Variants in LARGE1 observed in about 807,000 individuals in gnomAD.
LARGE1 encodes xylosyl- and glucuronyltransferase LARGE1.
Under a neutral mutation model 87.6 loss-of-function variants are expected in LARGE1, and 43 were observed. The observed-to-expected ratio is 0.49, with a 90% CI of 0.38 to 0.63. The LOEUF is 0.63. Ranked by LOEUF, LARGE1 falls within the 30% of genes least tolerant of loss-of-function variation. LARGE1 has a pLI of 0.00. For synonymous variants in LARGE1, 434 were observed against 394.6 expected, an observed-to-expected ratio of 1.10 and a Z score of -1.18; for missense variants, 802 against 1,000.2, an observed-to-expected ratio of 0.80 and a Z score of 2.67.
At chr22:33,890,420 A>T (rs550548499) in intron 1 of LARGE1, among the ~76,000 whole-genome samples, 1 of 152,260 alleles carries the variant, frequency 6.6e-6, no homozygotes, top group South Asian at 2.1e-4. Context: ...TATTTTTTTC[A>T]AATTAACCCG....
At chr22:33,252,676 T>C (rs754713547) in intron 11 of LARGE1, among the ~76,000 whole-genome samples, 2 of 151,934 alleles carry the variant, frequency 1.3e-5, no homozygotes, top group African/African-American at 2.4e-5. Flanking sequence ...GTGCCTTCCT[T>C]TGTTTGTTGG....
intron 11 of LARGE1, among the ~76,000 whole-genome samples, chr22:33,314,173 CTT>C (rs561672914): frequency 1.4e-3 from 215 of 152,296 alleles, no homozygotes; most frequent in African/African-American, 5.0e-3. Context: ...AGCCTCCATG[CTT>C]GTCCCTTGCT....
chr22:33,470,056 A>ATTT (rs2068768608), intron 6 of LARGE1, among the ~76,000 whole-genome samples: 1 of 150,872 alleles, frequency 6.6e-6, no homozygotes, highest in Non-Finnish European at 1.5e-5. Context: ...CGCCCGGCTA[A>ATTT]TTTTTTGTAT....
chr22:33,293,753 G>A (rs1475982210), intron 12 of LARGE1, among the ~76,000 whole-genome samples: 3 of 152,180 alleles, frequency 2.0e-5, no homozygotes, highest in Non-Finnish European at 4.4e-5. Context: ...AGTATTATGA[G>A]ATTGGGAACA....
the LARGE1 span, among the ~76,000 whole-genome samples, chr22:33,096,186 C>A: frequency 6.6e-5 from 10 of 152,022 alleles, no homozygotes; most frequent in Admixed American, 5.9e-4. Flanking sequence ...GAGGCCGAGG[C>A]GGGTGGATCA....
chr22:33,735,737 G>A (rs917884533), intron 2 of LARGE1, among the ~76,000 whole-genome samples: 4 of 152,094 alleles, frequency 2.6e-5, no homozygotes, highest in Non-Finnish European at 4.4e-5. Context: ...AGCCATCACC[G>A]CTATCTAATT....
chr22:33,382,695 G>A (rs1406849728), intron 8 of LARGE1, among the ~76,000 whole-genome samples: 3 of 152,116 alleles, frequency 2.0e-5, no homozygotes, highest in Admixed American at 6.5e-5. Flanking sequence ...AGGTGGCGCC[G>A]GGAGGTGAAT....
intron 6 of LARGE1, among the ~76,000 whole-genome samples, chr22:33,499,944 T>C (rs2070348876): frequency 6.6e-6 from 1 of 152,112 alleles, no homozygotes; most frequent in Non-Finnish European, 1.5e-5. Context: ...TGGCTACATT[T>C]TGTATTTTTA....
In LARGE1 at chr22:33,896,053, A is replaced by G. The variant is rs528742237; in HGVS notation, c.-83+23942T>C. 9.2e-5 allele frequency among the ~76,000 whole-genome samples: 14 copies of G among 152,274 alleles called. No individual in the cohort carries two copies. The South Asian group carries it at 2.9e-3, about 32-fold the overall frequency. ...CCTCCAGCACTGTTTCATCTTCCCAAACTGAAACTGTCTCCCCCTTAAAAG... is the reference window on the plus strand; with the variant it reads ...CCTCCAGCACTGTTTCATCTTCCCAGACTGAAACTGTCTCCCCCTTAAAAG... On this transcript the variant is annotated intron_variant, in intron 1 of 14. Transcript: ENST00000397394.
chr22:33,081,273 T>C, the LARGE1 span, among the ~76,000 whole-genome samples: 1 of 152,238 alleles, frequency 6.6e-6, no homozygotes, highest in African/African-American at 2.4e-5. Flanking sequence ...ACCCAGTCTA[T>C]GCAGCAATCT....
intron 2 of LARGE1, among the ~76,000 whole-genome samples, chr22:33,756,829 C>G (rs907376012): frequency 6.6e-6 from 1 of 151,996 alleles, no homozygotes; most frequent in Non-Finnish European, 1.5e-5. Context: ...AGAGCCAGGG[C>G]GACAGCAGTG....
intron 6 of LARGE1, among the ~76,000 whole-genome samples, chr22:33,493,507 T>A (rs547870699): frequency 1.4e-4 from 22 of 151,882 alleles, no homozygotes; most frequent in Non-Finnish European, 2.9e-4. Flanking sequence ...TTTGTGGAGG[T>A]GATAAAATGG....
At chr22:33,101,495 C>T in the LARGE1 span, among the ~76,000 whole-genome samples, 1 of 152,164 alleles carries the variant, frequency 6.6e-6, no homozygotes, top group African/African-American at 2.4e-5. Context: ...TGTATCTCCT[C>T]TGTGCTAGGA....
chr22:33,323,663 G>A (rs973672739), intron 10 of LARGE1, among the ~76,000 whole-genome samples: 4 of 152,146 alleles, frequency 2.6e-5, no homozygotes, highest in Non-Finnish European at 5.9e-5. Context: ...AAAAAGAAGG[G>A]AACACATTAT....
At chr22:33,576,897 A>C (rs1382460984) in intron 5 of LARGE1, among the ~76,000 whole-genome samples, 1 of 152,200 alleles carries the variant, frequency 6.6e-6, no homozygotes, top group Non-Finnish European at 1.5e-5. Flanking sequence ...ATAAATATCC[A>C]TAAATGTTCA....
At position 33,799,886 on chromosome 22, in the gene LARGE1, G is replaced by C. The variant is rs142540680; in HGVS notation, c.-82-38328C>G. ...TCTCCATAGATAAGGTCATAGAAGA[G>C]CTAGGATCTGAAGTAGGAACTAGAA... On this transcript the variant is annotated intron_variant, in intron 1 of 14. Transcript: ENST00000397394. 2.3e-3 allele frequency among the ~76,000 whole-genome samples: 357 copies of C among 152,282 alleles called. 4 individuals are homozygous for C. The highest frequency in any genetic ancestry group is 8.1e-3 in the African/African-American group (335 of 41,562).
At chr22:33,085,275 C>G in the LARGE1 span, among the ~76,000 whole-genome samples, 14 of 152,158 alleles carry the variant, frequency 9.2e-5, no homozygotes, top group East Asian at 2.5e-3. Context: ...GACTCCGTCT[C>G]AAAGAAAAAT....
At chr22:33,512,515 A>T (rs1360688359) in intron 6 of LARGE1, among the ~76,000 whole-genome samples, 1 of 152,214 alleles carries the variant, frequency 6.6e-6, no homozygotes, top group Non-Finnish European at 1.5e-5. Flanking sequence ...TAATCAAATA[A>T]TGGTGGGCCA....
intron 2 of LARGE1, among the ~76,000 whole-genome samples, chr22:33,664,621 C>T (rs1018893184): frequency 2.0e-5 from 3 of 152,176 alleles, no homozygotes; most frequent in Admixed American, 6.5e-5. Flanking sequence ...GATCCCAGCA[C>T]TTTGGGAGGC....
Sources: gnomAD v4.1 joint callset for allele counts (sites outside exome capture counted in the v4.1 genomes callset) on GRCh38, gnomAD v4.1.1 for gene constraint, MANE v1.5 for transcripts, NCBI Gene and HGNC (gene_info 2026-07-23, HGNC 2026-07-21) for gene names.